The following MBD5 variants were observed in gnomAD, a reference collection of about 807,000 sequenced individuals.
MBD5 encodes the protein methyl-CpG-binding domain protein 5.
A neutral mutation model predicts 117.3 loss-of-function variants in MBD5; 13 were observed. The ratio of observed to expected loss-of-function variants is 0.11; its 90% CI spans 0.07 to 0.18. The LOEUF is 0.18. MBD5 is among the 10% of genes least tolerant of loss of function. The probability of loss-of-function intolerance (pLI) is 1.00; values close to 1 mark genes in which losing one functional copy is unlikely to be tolerated. For synonymous variants in MBD5, 727 were observed against 766.4 expected (o/e 0.95, Z 0.85); for missense variants, 1,879 against 2,093.8 (o/e 0.90, Z 2.00).
chr2:148,187,245 G>C (rs1292878189), intron 2 of MBD5, among the ~76,000 whole-genome samples: 1 of 151,812 alleles, frequency 6.6e-6, no homozygotes, highest in Non-Finnish European at 1.5e-5. Context: ...AAACGAGTAA[G>C]TAAAGTAAAG....
At chr2:148,455,586 C>G (rs10803526) in intron 4 of MBD5, among the ~76,000 whole-genome samples, 136,096 of 152,098 alleles carry the variant, frequency 0.89, 61,206 homozygotes, top group East Asian at 1. Flanking sequence ...TTAGAGAACT[C>G]CTGGTTTAAG....
At chr2:148,358,160 G>A (rs1020801309) in intron 4 of MBD5, among the ~76,000 whole-genome samples, 35 of 152,072 alleles carry the variant, frequency 2.3e-4, no homozygotes, top group African/African-American at 7.2e-4. Flanking sequence ...AAAAACATGC[G>A]TGGTCTACCT....
chr2:148,427,847 A>C (rs939547250), intron 4 of MBD5, among the ~76,000 whole-genome samples: 2 of 150,860 alleles, frequency 1.3e-5, no homozygotes, highest in Admixed American at 6.6e-5. Context: ...AATGTCCACA[A>C]AAAAAAAAGA....
intron 4 of MBD5, among the ~76,000 whole-genome samples, chr2:148,437,373 G>A (rs570670258): frequency 6.6e-6 from 1 of 152,180 alleles, no homozygotes; most frequent in South Asian, 2.1e-4. Flanking sequence ...CAAGACCACT[G>A]CTGCAGCATA....
chr2:148,448,408 T>C (rs1379179450), intron 4 of MBD5, among the ~76,000 whole-genome samples: 1 of 151,998 alleles, frequency 6.6e-6, no homozygotes, highest in Non-Finnish European at 1.5e-5. Flanking sequence ...CACAGTGTAT[T>C]TGGGTGGGTT....
At chr2:148,424,205 A>AC (rs1559065364) in intron 4 of MBD5, among the ~76,000 whole-genome samples, 16 of 130,404 alleles carry the variant, frequency 1.2e-4, no homozygotes, top group African/African-American at 4.9e-4. Flanking sequence ...AAAAAAAAAA[A>AC]AAAAAAAAAA....
At chr2:148,427,082 CAA>C (rs1705817711) in intron 4 of MBD5, among the ~76,000 whole-genome samples, 1 of 152,130 alleles carries the variant, frequency 6.6e-6, no homozygotes, top group Non-Finnish European at 1.5e-5. Context: ...CAGAGAAATG[CAA>C]ATCAAAACCA....
intron 4 of MBD5, among the ~76,000 whole-genome samples, chr2:148,351,379 C>A (rs950661581): frequency 4.6e-5 from 7 of 151,914 alleles, no homozygotes; most frequent in Non-Finnish European, 1.0e-4. Flanking sequence ...CTTTTGTGAC[C>A]GGCTTGATTT....
intron 1 of MBD5, among the ~76,000 whole-genome samples, chr2:148,119,446 T>A (rs1214329672): frequency 1.3e-5 from 2 of 152,190 alleles, no homozygotes; most frequent in Non-Finnish European, 2.9e-5. Flanking sequence ...TATTTTCTCT[T>A]ATCCTATGGG....
intron 3 of MBD5, among the ~76,000 whole-genome samples, chr2:148,315,830 G>C (rs192528671): frequency 4.1e-4 from 63 of 151,924 alleles, no homozygotes; most frequent in African/African-American, 1.2e-3. Flanking sequence ...TCTTTACTTC[G>C]TGCTAATCTT....
chr2:148,454,969 A>G (rs75590910), intron 4 of MBD5, among the ~76,000 whole-genome samples: 2,617 of 152,100 alleles, frequency 0.017, 81 homozygotes, highest in African/African-American at 0.059. Flanking sequence ...AACAATATCA[A>G]TTTTTCTAAT....
rs555893644 is a variant in MBD5, at chr2:148,432,145, T to C, written c.-556-26058T>C. ...ATTAGTGATGTTAAGCATTTTTTCA[T>C]GTGCTTGTTGGCTGCATATATGTCT... On this transcript the variant is annotated intron_variant, in intron 4 of 13. Transcript: ENST00000642680. Among the ~76,000 whole-genome samples the C allele has an allele frequency of 3.3e-5, 5 of 152,306 alleles. No individual in the cohort carries two copies. The East Asian group carries it at 7.7e-4, about 24-fold the overall frequency.
chr2:148,181,245 A>G (rs1395063814), intron 2 of MBD5, among the ~76,000 whole-genome samples: 3 of 152,184 alleles, frequency 2.0e-5, no homozygotes, highest in African/African-American at 7.2e-5. Flanking sequence ...AATCCACAGT[A>G]TATGGCAGCC....
At chr2:148,050,326 CT>C (rs200474294) in intron 1 of MBD5, among the ~76,000 whole-genome samples, 1 of 152,116 alleles carries the variant, frequency 6.6e-6, no homozygotes, top group East Asian at 1.9e-4. Context: ...ATTTGCATAC[CT>C]TCTTTAGAGA....
chr2:148,050,520 T>A (rs1694666663), intron 1 of MBD5, among the ~76,000 whole-genome samples: 1 of 152,194 alleles, frequency 6.6e-6, no homozygotes, highest in South Asian at 2.1e-4. Flanking sequence ...GTGCTGTCTT[T>A]TCACTCTCTA....
intron 4 of MBD5, among the ~76,000 whole-genome samples, chr2:148,445,239 A>C (rs544019743): frequency 3.6e-4 from 54 of 151,032 alleles, no homozygotes; most frequent in Admixed American, 3.5e-3. Context: ...TGCACCCATT[A>C]ACTCGTCATT....
intron 4 of MBD5, among the ~76,000 whole-genome samples, chr2:148,425,380 T>G (rs1181347565): frequency 6.6e-6 from 1 of 152,124 alleles, no homozygotes; most frequent in Non-Finnish European, 1.5e-5. Context: ...CTTCTGAAAT[T>G]GAGGCAGTAA....
chr2:148,387,768 T>C lies in MBD5; in HGVS notation c.-557+45432T>C, dbSNP rs369316235. On this transcript the variant is annotated intron_variant, in intron 4 of 13. Coordinates refer to ENST00000642680, the MANE Select transcript of MBD5 (RefSeq NM_001378120.1). ...AAGTTAGAAAAGATAATATTTACTATAGCAACAAAGATATAAAGTACACAG... is the reference window on the plus strand; with the variant it reads ...AAGTTAGAAAAGATAATATTTACTACAGCAACAAAGATATAAAGTACACAG... Among the ~76,000 whole-genome samples the C allele has an allele frequency of 3.7e-4, 57 of 152,188 alleles. No homozygotes were observed. The South Asian group carries it at 0.011, about 30-fold the overall frequency.
chr2:148,197,794 G>GTTTTTTTTTTTTTTTTTT (rs56029734), intron 2 of MBD5, among the ~76,000 whole-genome samples: 2 of 102,570 alleles, frequency 1.9e-5, no homozygotes, highest in African/African-American at 3.5e-5. Flanking sequence ...AGCATCTGAG[G>GTTTTTTTTTTTTTTTTTT]TTTTTTTTTT....
Sources: allele counts gnomAD v4.1 joint callset (sites outside exome capture counted in the v4.1 genomes callset), GRCh38; gene constraint gnomAD v4.1.1; transcripts MANE v1.5; gene names NCBI Gene and HGNC (gene_info 2026-07-23, HGNC 2026-07-21).